Variants in PAM observed in about 807,000 individuals in gnomAD.
PAM encodes the protein peptidyl-glycine alpha-amidating monooxygenase.
A neutral mutation model predicts 122.1 loss-of-function variants in PAM; 72 were observed. The observed-to-expected ratio is 0.59, with a 90% confidence interval of 0.49 to 0.72. PAM has a LOEUF of 0.72. Among genes scored for constraint, PAM ranks in the 30% least tolerant of loss-of-function variants. The pLI is 0.00. For synonymous variants in PAM, 389 were observed against 404.4 expected, an observed-to-expected ratio of 0.96 and a Z score of 0.46; for missense variants, 1,106 against 1,183.7, an observed-to-expected ratio of 0.93 and a Z score of 0.96.
At chr5:102,834,979 A>G (rs941363025) in intron 1 of PAM, among the ~76,000 whole-genome samples, 2 of 152,148 alleles carry the variant, frequency 1.3e-5, no homozygotes, top group African/African-American at 4.8e-5. Flanking sequence ...GTAGAGACCA[A>G]GTACAAAGAG....
chr5:102,898,113 T>C (rs1319471292), intron 3 of PAM, among the ~76,000 whole-genome samples: 1 of 151,464 alleles, frequency 6.6e-6, no homozygotes, highest in African/African-American at 2.4e-5. Flanking sequence ...GTCAGAAAAA[T>C]GTACTTTTCT....
chr5:102,926,757 G>T, intron 7 of PAM, 89 bp downstream of exon 7: 1 of 716,032 alleles, frequency 1.4e-6, no homozygotes, highest in Non-Finnish European at 2.5e-6. Flanking sequence ...ATCTTAAAAA[G>T]AATTGCCCAC....
intron 15 of PAM, among the ~76,000 whole-genome samples, chr5:102,982,428 G>T (rs1376820896): frequency 6.6e-6 from 1 of 152,168 alleles, no homozygotes; most frequent in Non-Finnish European, 1.5e-5. Context: ...TGAGTAAGCT[G>T]CCTGGACCTG....
intron 3 of PAM, among the ~76,000 whole-genome samples, chr5:102,880,050 G>A (rs1297749509): frequency 6.6e-6 from 1 of 152,172 alleles, no homozygotes; most frequent in Non-Finnish European, 1.5e-5. Flanking sequence ...GGAAGCCAAG[G>A]AAGGTGGATC....
At chr5:102,937,695 A>T (rs1194257946) in intron 7 of PAM, among the ~76,000 whole-genome samples, 1 of 152,186 alleles carries the variant, frequency 6.6e-6, no homozygotes, top group East Asian at 1.9e-4. Flanking sequence ...ATGAAGATCG[A>T]TGCTCAGAAA....
intron 1 of PAM, among the ~76,000 whole-genome samples, chr5:102,829,199 C>T (rs920019414): frequency 3.3e-5 from 5 of 151,500 alleles, no homozygotes; most frequent in Non-Finnish European, 5.9e-5. Context: ...AAATTTTGAC[C>T]GAAAGTCATA....
intron 12 of PAM, among the ~76,000 whole-genome samples, chr5:102,956,831 A>G (rs1179738408): frequency 1.3e-5 from 2 of 151,998 alleles, no homozygotes; most frequent in Non-Finnish European, 2.9e-5. Flanking sequence ...ATTACCTTTC[A>G]CTTGTTTGAA....
chr5:102,949,830 G>A, intron 10 of PAM, 72 bp from the exon 11 acceptor site: 1 of 836,652 alleles, frequency 1.2e-6, no homozygotes, highest in Non-Finnish European at 2.0e-6. Flanking sequence ...CTTTAAAGTA[G>A]GAAAGTAAAT....
chr5:102,830,895 G>GTTTC (rs59560139), intron 1 of PAM, among the ~76,000 whole-genome samples: 94,420 of 151,546 alleles, frequency 0.62, 29,670 homozygotes, highest in South Asian at 0.79. Context: ...GTTTTGTTTT[G>GTTTC]TTTTGTTTTG....
chr5:102,958,768 T>C (rs775633329), intron 12 of PAM, among the ~76,000 whole-genome samples: 1 of 152,134 alleles, frequency 6.6e-6, no homozygotes, highest in East Asian at 1.9e-4. Context: ...ATATTTTTAT[T>C]TTTTTCCTTC....
intron 14 of PAM, among the ~76,000 whole-genome samples, chr5:102,970,740 C>T (rs564689960): frequency 6.6e-6 from 1 of 152,184 alleles, no homozygotes; most frequent in African/African-American, 2.4e-5. Context: ...CTGTAGTAGC[C>T]ACAGTGACTT....
rs1026765926 is a variant in PAM at position 102,862,594 on chromosome 5, G to A, written c.-373-3229G>A. ...CCCAGAAAGTAATTTCTATAAGAGT[G>A]GGAACGTTATCTGTCTTGATTATCA... On this transcript the variant is annotated intron_variant, in intron 1 of 25. Coordinates refer to ENST00000438793, the MANE Select transcript of PAM (RefSeq NM_001177306.2). 2.0e-5 allele frequency among the ~76,000 whole-genome samples: 3 copies of A among 152,256 alleles called. No homozygotes were observed. The East Asian group carries it at 5.8e-4, about 29-fold the overall frequency.
At chr5:102,890,296 T>G (rs1794414443) in intron 3 of PAM, among the ~76,000 whole-genome samples, 1 of 151,936 alleles carries the variant, frequency 6.6e-6, no homozygotes, top group Admixed American at 6.6e-5. Context: ...ATACTACCTA[T>G]TAATGAGGAA....
chr5:102,923,792 G>A (rs556164288), intron 5 of PAM, among the ~76,000 whole-genome samples: 1 of 152,284 alleles, frequency 6.6e-6, no homozygotes, highest in East Asian at 1.9e-4. Flanking sequence ...ATACAGAGCT[G>A]CTAAGGGGTG....
At chr5:102,846,116 C>T (rs1779883297) in intron 1 of PAM, among the ~76,000 whole-genome samples, 1 of 152,094 alleles carries the variant, frequency 6.6e-6, no homozygotes, top group African/African-American at 2.4e-5. Context: ...TTTTCTTCCT[C>T]CCTTAAACTA....
intron 1 of PAM, among the ~76,000 whole-genome samples, chr5:102,853,232 G>A (rs1054961958): frequency 6.6e-6 from 1 of 152,080 alleles, no homozygotes; most frequent in Non-Finnish European, 1.5e-5. Flanking sequence ...TATTCCCTTG[G>A]AATACAAATT....
Position 103,003,103 on chromosome 5 carries a change from A to G in PAM, c.1684A>G (p.Ile562Val), listed in dbSNP as rs748469656. Reference sequence around the variant, plus strand: ...AATTGAAGAAGACACTATTCTTGTCATAGATCCAAATAATGCTGCAGTACT... The same window carrying G: ...AATTGAAGAAGACACTATTCTTGTCGTAGATCCAAATAATGCTGCAGTACT... Reference protein sequence around the residue: ...GPIEEDTILVIDPNNAAVLQS... With the variant: ...GPIEEDTILVVDPNNAAVLQS... Residue 562 changes from isoleucine (I) to valine (V), a missense_variant, in exon 17 of 26, where the codon ATA becomes GTA. By Grantham distance (29) the Ile-to-Val change is conservative. Transcript: ENST00000438793. 2 of 1,602,684 alleles carry G rather than the reference A, an allele frequency of 1.2e-6. No homozygotes were observed. The highest frequency in any genetic ancestry group is 1.1e-5 in the South Asian group (1 of 90,846).
At chr5:102,959,586 A>G (rs2150213797) in intron 12 of PAM, among the ~76,000 whole-genome samples, 1 of 152,214 alleles carries the variant, frequency 6.6e-6, no homozygotes, top group Non-Finnish European at 1.5e-5. Flanking sequence ...GAGAGAAAAG[A>G]AAGTACCATA....
At chr5:102,812,254 AAT>A (rs527900047) in intron 1 of PAM, among the ~76,000 whole-genome samples, 40 of 152,330 alleles carry the variant, frequency 2.6e-4, no homozygotes, top group East Asian at 1.2e-3. Flanking sequence ...CAGCTGCAAA[AAT>A]AGTTTCTTTT....
Sources: allele counts gnomAD v4.1 joint callset (sites outside exome capture counted in the v4.1 genomes callset), GRCh38; gene constraint gnomAD v4.1.1; transcripts MANE v1.5; gene names NCBI Gene and HGNC (gene_info 2026-07-23, HGNC 2026-07-21).